Variants in RAB2A observed in about 807,000 individuals in gnomAD.
RAB2A encodes the protein RAB2A, member RAS oncogene family.
In RAB2A, 7 loss-of-function variants were observed where a neutral mutation model predicts 32.5. The ratio of observed to expected loss-of-function variants is 0.22; its 90% CI spans 0.12 to 0.40. The LOEUF is 0.40. Ranked by LOEUF, RAB2A falls within the 10% of genes least tolerant of loss-of-function variation. RAB2A has a pLI of 1.00. For missense variants in RAB2A, 108 were observed against 260.7 expected (o/e 0.41, Z 4.03); for synonymous variants, 79 against 85.2 (o/e 0.93, Z 0.40).
chr8:60,541,913 A>G (rs1413944778), intron 1 of RAB2A, among the ~76,000 whole-genome samples: 8 of 152,168 alleles, frequency 5.3e-5, no homozygotes, highest in East Asian at 1.9e-4. Context: ...AGCATTGACA[A>G]CAGAGGCTAT....
At position 60,618,115 on chromosome 8, in the gene RAB2A, T is replaced by G. The variant is rs146042977; in HGVS notation, c.475-465T>G. Among the ~76,000 whole-genome samples the G allele has an allele frequency of 7.4e-4, 113 of 152,378 alleles. No individual in the cohort carries two copies. In the East Asian group the frequency reaches 0.017, roughly 22 times the overall value. Reference sequence around the variant, plus strand: ...TGAATATCTCAAATTTTGTTTTTTATTGACTGAACATTTCTGTAGTTTGCA... The same window carrying G: ...TGAATATCTCAAATTTTGTTTTTTAGTGACTGAACATTTCTGTAGTTTGCA... On this transcript the variant is annotated intron_variant, in intron 6 of 7. Transcript: ENST00000262646.
At chr8:60,521,996 CAA>C (rs959411604) in intron 1 of RAB2A, among the ~76,000 whole-genome samples, 2 of 152,144 alleles carry the variant, frequency 1.3e-5, no homozygotes, top group African/African-American at 4.8e-5. Flanking sequence ...GGGGATCTGA[CAA>C]AGTTGTCCTC....
intron 2 of RAB2A, among the ~76,000 whole-genome samples, chr8:60,563,983 G>A (rs1808065705): frequency 6.6e-6 from 1 of 152,158 alleles, no homozygotes; most frequent in African/African-American, 2.4e-5. Context: ...AGCTAGACAG[G>A]TCTGGAGAAA....
intron 1 of RAB2A, among the ~76,000 whole-genome samples, chr8:60,558,064 G>A (rs1317649916): frequency 1.3e-5 from 2 of 152,180 alleles, no homozygotes; most frequent in Admixed American, 6.5e-5. Flanking sequence ...GTGATACTTA[G>A]CATTCAATAA....
In RAB2A at chr8:60,620,909, A is replaced by G. The variant is rs879019819; in HGVS notation, c.*140A>G. On this transcript the variant is annotated 3_prime_UTR_variant, in exon 8 of 8. Coordinates refer to ENST00000262646, the MANE Select transcript of RAB2A (RefSeq NM_002865.3). ...ACTTTAATCCGTCAAATTCTTGTATAACTTTGAATAAATGGTTAATGTTCA... is the reference window on the plus strand; with the variant it reads ...ACTTTAATCCGTCAAATTCTTGTATGACTTTGAATAAATGGTTAATGTTCA... 1 of 635,244 alleles carries G rather than the reference A, an allele frequency of 1.6e-6. No individual in the cohort carries two copies. The highest frequency in any genetic ancestry group is 2.3e-5 in the South Asian group (1 of 43,586). The allele number at this position is 635,244 out of a possible 1,614,324, so 39.4% of individuals were successfully genotyped here. A position where few individuals can be genotyped will look rare whatever the true frequency, so the allele number is the denominator to read the frequency against.
chr8:60,615,605 T>A (rs188833632), intron 6 of RAB2A, among the ~76,000 whole-genome samples: 2 of 152,312 alleles, frequency 1.3e-5, no homozygotes, highest in East Asian at 3.9e-4. Context: ...GGAAATGTTT[T>A]GCATCTTAAG....
chr8:60,517,201 C>T lies in RAB2A; in HGVS notation c.-7C>T. The T allele has an allele frequency of 9.4e-6, 14 of 1,488,534 alleles. No individual in the cohort carries two copies. The highest frequency in any genetic ancestry group is 1.3e-5 in the Non-Finnish European group (14 of 1,117,882). The allele number at this position is 1,488,534 out of a possible 1,614,324, so 92.2% of individuals were successfully genotyped here. A position where few individuals can be genotyped will look rare whatever the true frequency, so the allele number is the denominator to read the frequency against. On this transcript the variant is annotated 5_prime_UTR_variant, in exon 1 of 8. Coordinates refer to ENST00000262646, the MANE Select transcript of RAB2A (RefSeq NM_002865.3). ...GCCGTGTGCCCTGGCACTGAGCGGC[C>T]GCGGCCATGGCGTACGCCTATCTCT...
At position 60,517,047 on chromosome 8, in the gene RAB2A, C is replaced by T; in HGVS notation, c.-161C>T. ...TCGGCTCTGCGGGTGTCAGTTCGTC[C>T]GGCTTCCTCACAGCCCCTCACTCCC... On this transcript the variant is annotated 5_prime_UTR_variant, in exon 1 of 8. Coordinates refer to ENST00000262646, the MANE Select transcript of RAB2A (RefSeq NM_002865.3). The T allele has an allele frequency of 4.8e-6, 3 of 625,232 alleles. No homozygotes were observed. 38.7% of individuals were successfully genotyped at this position (625,232 alleles called of 1,614,324 possible).
At chr8:60,544,595 A>G (rs1344412110) in intron 1 of RAB2A, among the ~76,000 whole-genome samples, 2 of 103,832 alleles carry the variant, frequency 1.9e-5, no homozygotes, top group East Asian at 6.1e-4. Flanking sequence ...GGGTCTCAGT[A>G]TGTTGCCCAG....
At chr8:60,518,583 A>C (rs1807249132) in intron 1 of RAB2A, among the ~76,000 whole-genome samples, 1 of 123,358 alleles carries the variant, frequency 8.1e-6, no homozygotes, top group Non-Finnish European at 1.6e-5. Context: ...TTGAGCCCGG[A>C]AGGTGGAGTT....
At position 60,524,971 on chromosome 8, in the gene RAB2A, A is replaced by G. The variant is rs188501991; in HGVS notation, c.46+7718A>G. The stretch of plus-strand genomic sequence containing the variant: ...GTCTGTATAGCAGATTCTCATGAGT[A>G]ATCCTCCACACTTTTTATAGTTCCT... On this transcript the variant is annotated intron_variant, in intron 1 of 7. Transcript: ENST00000262646. 1.1e-4 allele frequency among the ~76,000 whole-genome samples: 17 copies of G among 152,310 alleles called. 1 individual carries two copies. Among genetic ancestry groups the G allele is most frequent in the South Asian group, 4.1e-4 (2 of 4,828 alleles).
intron 6 of RAB2A, among the ~76,000 whole-genome samples, chr8:60,592,572 A>G (rs1483682188): frequency 6.6e-6 from 1 of 152,136 alleles, no homozygotes; most frequent in African/African-American, 2.4e-5. Flanking sequence ...TTCTGCTTAA[A>G]GTATTCTATT....
chr8:60,575,098 T>TG (rs1405072474), intron 3 of RAB2A, among the ~76,000 whole-genome samples: 4 of 149,326 alleles, frequency 2.7e-5, no homozygotes, highest in African/African-American at 9.8e-5. Flanking sequence ...TGGGGGTTTT[T>TG]TTTTTTTTTT....
chr8:60,533,652 T>A (rs1041446750), intron 1 of RAB2A, among the ~76,000 whole-genome samples: 1 of 152,116 alleles, frequency 6.6e-6, no homozygotes, highest in Non-Finnish European at 1.5e-5. Flanking sequence ...TGCAGTTGAT[T>A]TTTTTTCTTC....
At chr8:60,547,510 C>A (rs1325369452) in intron 1 of RAB2A, among the ~76,000 whole-genome samples, 1 of 151,436 alleles carries the variant, frequency 6.6e-6, no homozygotes, top group Non-Finnish European at 1.5e-5. Context: ...GACAGGGCAG[C>A]TGGCCGGACG....
In RAB2A at chr8:60,517,145, G is replaced by A; in HGVS notation, c.-63G>A. 6.9e-7 allele frequency: 1 copy of A among 1,450,558 alleles called. No individual in the cohort carries two copies. Among genetic ancestry groups the A allele is most frequent in the Admixed American group, 2.6e-5 (1 of 38,614 alleles). The allele number at this position is 1,450,558 out of a possible 1,614,324, so 89.9% of individuals were successfully genotyped here. Reference sequence around the variant, plus strand: ...GAGGCTGAGCGGCACCGGGGTTGGGGCGCGGAGGAGGAGCAGCAGCGGGAG... The same window carrying A: ...GAGGCTGAGCGGCACCGGGGTTGGGACGCGGAGGAGGAGCAGCAGCGGGAG... On this transcript the variant is annotated 5_prime_UTR_variant, in exon 1 of 8. Transcript: ENST00000262646.
At chr8:60,579,844 G>A (rs922145170) in intron 3 of RAB2A, among the ~76,000 whole-genome samples, 1 of 151,688 alleles carries the variant, frequency 6.6e-6, no homozygotes. Context: ...AGCCAGGATG[G>A]TCTCGATCTC....
rs1472569717 is a variant in RAB2A at position 60,621,220 on chromosome 8, A to G, written c.*451A>G. On this transcript the variant is annotated 3_prime_UTR_variant, in exon 8 of 8. Transcript: ENST00000262646. ...GGACTCTTTTAATTCTGTATTTATC[A>G]TTTACTTTCTGTATATATAGTTTAA... 1.3e-5 allele frequency: 2 copies of G among 154,496 alleles called. No individual in the cohort carries two copies. The highest frequency in any genetic ancestry group is 4.8e-5 in the African/African-American group (2 of 41,456). The allele number at this position is 154,496 out of a possible 1,614,324, so 9.6% of individuals were successfully genotyped here.
intron 1 of RAB2A, among the ~76,000 whole-genome samples, chr8:60,531,970 T>C (rs1807483773): frequency 1.3e-5 from 2 of 152,000 alleles, no homozygotes; most frequent in Admixed American, 6.6e-5. Context: ...GCCCAACTAA[T>C]TTTTTTGTAT....
Sources: allele counts gnomAD v4.1 joint callset (sites outside exome capture counted in the v4.1 genomes callset), GRCh38; gene constraint gnomAD v4.1.1; transcripts MANE v1.5; gene names NCBI Gene and HGNC (gene_info 2026-07-23, HGNC 2026-07-21).